The following SV2B variants were observed in gnomAD, a reference collection of about 807,000 sequenced individuals.
The protein encoded by SV2B is solute carrier family 22 member B2.
SV2B carries 41 observed loss-of-function variants against 73.9 expected under a neutral mutation model. The ratio of observed to expected loss-of-function variants is 0.56; its 90% confidence interval spans 0.43 to 0.72. The LOEUF is 0.72. Among genes scored for constraint, SV2B ranks in the 30% least tolerant of loss-of-function variants. The pLI, the probability that SV2B is intolerant of heterozygous loss-of-function variation, is 0.00. For missense variants in SV2B, 764 were observed against 857.8 expected, an observed-to-expected ratio of 0.89 and a Z score of 1.37; for synonymous variants, 314 against 314.2, an observed-to-expected ratio of 1.00 and a Z score of 0.01.
At chr15:91,248,095 G>A (rs549216042) in intron 2 of SV2B, among the ~76,000 whole-genome samples, 17 of 152,268 alleles carry the variant, frequency 1.1e-4, no homozygotes, top group Non-Finnish European at 2.4e-4. Flanking sequence ...GCCGAGGTGG[G>A]CGGATCACGA....
At chr15:91,157,625 A>AAT (rs2043537415) in intron 1 of SV2B, among the ~76,000 whole-genome samples, 2 of 152,208 alleles carry the variant, frequency 1.3e-5, no homozygotes, top group African/African-American at 4.8e-5. Flanking sequence ...TGTGATGCAG[A>AAT]TGCCATTATC....
chr15:91,130,873 G>A lies in SV2B; in HGVS notation c.-392+30510G>A, dbSNP rs1226145937. Among the ~76,000 whole-genome samples, 1 of 152,136 alleles carries A rather than the reference G, an allele frequency of 6.6e-6. No individual in the cohort carries two copies. Among genetic ancestry groups the A allele is most frequent in the African/African-American group, 2.4e-5 (1 of 41,436 alleles). On this transcript the variant is annotated intron_variant, in intron 1 of 12. Transcript: ENST00000394232. This position sits in a 1 kb window ranked among gnomAD's most constrained non-coding sequence, Gnocchi z 5.6. ...TGTGTGATATTTTAGTATTTTTACA[G>A]GGTAAAAAATGAGAGTGTGAGGAGA...
At position 91,289,704 on chromosome 15, in the gene SV2B, T is replaced by C; in HGVS notation, c.1868+24T>C. Reference sequence around the variant, plus strand: ...AGGTCAGTTCTTCCCCAGGCTTTCCTCAGGGACTTGTTTGGGCTTCTTTGG... The same window carrying C: ...AGGTCAGTTCTTCCCCAGGCTTTCCCCAGGGACTTGTTTGGGCTTCTTTGG... On this transcript the variant is annotated intron_variant, in intron 12 of 12. Coordinates refer to ENST00000394232, the MANE Select transcript of SV2B (RefSeq NM_001323032.3). The surrounding 1 kb of genome is among the most constrained non-coding windows in gnomAD (Gnocchi z 4.9). The C allele has an allele frequency of 6.2e-7, 1 of 1,605,812 alleles. No individual in the cohort carries two copies. The highest frequency in any genetic ancestry group is 1.1e-5 in the South Asian group (1 of 90,426).
At chr15:91,161,592 C>T (rs537090278) in intron 1 of SV2B, among the ~76,000 whole-genome samples, 2 of 152,308 alleles carry the variant, frequency 1.3e-5, no homozygotes, top group South Asian at 4.1e-4. Context: ...TTATTTCTCA[C>T]AACAACACTG....
In SV2B at chr15:91,258,866, C is replaced by T. The variant is rs377015345; in HGVS notation, c.918+312C>T. ...CTGCCTCATGGCACCCACTGTCCCC[C>T]GAGGTCCTGATTAGGAAGTTTTTTA... On this transcript the variant is annotated intron_variant, in intron 5 of 12. Coordinates refer to ENST00000394232, the MANE Select transcript of SV2B (RefSeq NM_001323032.3). This position sits in a 1 kb window ranked among gnomAD's most constrained non-coding sequence, Gnocchi z 4.7. Among the ~76,000 whole-genome samples, 7 of 150,366 alleles carry T rather than the reference C, an allele frequency of 4.7e-5. No individual in the cohort carries two copies. The highest frequency in any genetic ancestry group is 2.7e-4 in the Admixed American group (4 of 15,048).
chr15:91,115,574 G>A lies in SV2B; in HGVS notation c.-392+15211G>A, dbSNP rs2151735708. On this transcript the variant is annotated intron_variant, in intron 1 of 12. Coordinates refer to ENST00000394232, the MANE Select transcript of SV2B (RefSeq NM_001323032.3). This position sits in a 1 kb window ranked among gnomAD's most constrained non-coding sequence, Gnocchi z 4.3. ...GTATTTTTAGTAGAGACAGGGTCTCGCCATGTTGCCCAGGCTGGTCTTGAA... is the reference window on the plus strand; with the variant it reads ...GTATTTTTAGTAGAGACAGGGTCTCACCATGTTGCCCAGGCTGGTCTTGAA... Among the ~76,000 whole-genome samples, 1 of 151,268 alleles carries A rather than the reference G, an allele frequency of 6.6e-6. No individual in the cohort carries two copies. Among genetic ancestry groups the A allele is most frequent in the South Asian group, 2.1e-4 (1 of 4,762 alleles).
rs1270498757 is a variant in SV2B at position 91,130,598 on chromosome 15, C to A, written c.-392+30235C>A. On this transcript the variant is annotated intron_variant, in intron 1 of 12. Coordinates refer to ENST00000394232, the MANE Select transcript of SV2B (RefSeq NM_001323032.3). This position sits in a 1 kb window ranked among gnomAD's most constrained non-coding sequence, Gnocchi z 5.6. The stretch of plus-strand genomic sequence containing the variant: ...AGATTCCAAAGCAGGAGGGGTCTGA[C>A]CAAGTAGGTGTTCACGGAGGACAGG... Among the ~76,000 whole-genome samples, 1 of 151,958 alleles carries A rather than the reference C, an allele frequency of 6.6e-6. No individual in the cohort carries two copies. The highest frequency in any genetic ancestry group is 6.6e-5 in the Admixed American group (1 of 15,242).
chr15:91,262,065 C>G (rs190541620), intron 6 of SV2B, among the ~76,000 whole-genome samples: 2 of 152,286 alleles, frequency 1.3e-5, no homozygotes, highest in East Asian at 3.9e-4. Flanking sequence ...TTGCTTCAAA[C>G]GTCTGCTTTT....
intron 1 of SV2B, among the ~76,000 whole-genome samples, chr15:91,175,154 C>T (rs2141291813): frequency 6.6e-6 from 1 of 152,314 alleles, no homozygotes; most frequent in Non-Finnish European, 1.5e-5. Flanking sequence ...CTGCCTTTGT[C>T]ACCTTTTCCC....
At chr15:91,138,039 G>T (rs754520140) in intron 1 of SV2B, among the ~76,000 whole-genome samples, 1 of 152,162 alleles carries the variant, frequency 6.6e-6, no homozygotes, top group Non-Finnish European at 1.5e-5. Context: ...AATTGCCAAT[G>T]AGTGTTAACA....
At chr15:91,273,634 C>T (rs2048389225) in intron 9 of SV2B, among the ~76,000 whole-genome samples, 2 of 152,154 alleles carry the variant, frequency 1.3e-5, no homozygotes, top group Non-Finnish European at 1.5e-5. Context: ...GTAACTAGTT[C>T]TTTGGCTCCT....
chr15:91,158,702 T>TTCTCTTC (rs2043592627), intron 1 of SV2B, among the ~76,000 whole-genome samples: 3 of 59,570 alleles, frequency 5.0e-5, no homozygotes, highest in African/African-American at 1.6e-4. Context: ...TTCTCTTCTC[T>TTCTCTTC]CCTCTCCTCT....
At chr15:91,247,674 A>C (rs985574792) in intron 2 of SV2B, among the ~76,000 whole-genome samples, 2 of 152,184 alleles carry the variant, frequency 1.3e-5, no homozygotes, top group Non-Finnish European at 2.9e-5. Flanking sequence ...TGCAGCTGCT[A>C]TCTAGAAAGG....
At chr15:91,112,793 C>T (rs1157819904) in intron 1 of SV2B, among the ~76,000 whole-genome samples, 1 of 152,096 alleles carries the variant, frequency 6.6e-6, no homozygotes, top group African/African-American at 2.4e-5. Context: ...TTATAATCCC[C>T]ACCATTTATG....
intron 1 of SV2B, among the ~76,000 whole-genome samples, chr15:91,203,733 G>A (rs1269691223): frequency 2.0e-5 from 3 of 152,302 alleles, no homozygotes; most frequent in South Asian, 2.1e-4. Context: ...TGTGAGGTCT[G>A]TCCTAACAAA....
intron 1 of SV2B, among the ~76,000 whole-genome samples, chr15:91,204,855 C>T (rs965024866): frequency 3.9e-5 from 6 of 152,088 alleles, no homozygotes; most frequent in African/African-American, 1.4e-4. Context: ...TGCACCTGGC[C>T]CACGTACTTT....
intron 1 of SV2B, among the ~76,000 whole-genome samples, chr15:91,210,597 C>G (rs373709197): frequency 1.3e-5 from 2 of 152,128 alleles, no homozygotes; most frequent in Non-Finnish European, 1.5e-5. Context: ...GATATCATCC[C>G]TTCTAGCCTG....
chr15:91,163,390 A>G (rs1382997614), intron 1 of SV2B, among the ~76,000 whole-genome samples: 2 of 152,200 alleles, frequency 1.3e-5, no homozygotes, highest in Admixed American at 6.5e-5. Flanking sequence ...ACAGTGTAAA[A>G]GTGTTCCTAT....
intron 1 of SV2B, among the ~76,000 whole-genome samples, chr15:91,203,367 A>G (rs2045525968): frequency 6.6e-6 from 1 of 152,242 alleles, no homozygotes; most frequent in Non-Finnish European, 1.5e-5. Flanking sequence ...TGAGCCTGGT[A>G]CCGTTGAAAT....
Sources: allele counts gnomAD v4.1 joint callset (sites outside exome capture counted in the v4.1 genomes callset), GRCh38; gene constraint gnomAD v4.1.1; non-coding constraint Gnocchi (gnomAD v3.1); transcripts MANE v1.5; gene names NCBI Gene and HGNC (gene_info 2026-07-23, HGNC 2026-07-21).